The following PALLD variants were observed in gnomAD, a reference collection of about 807,000 sequenced individuals.
PALLD encodes palladin.
PALLD carries 61 observed loss-of-function variants against 123.5 expected under a neutral mutation model. The ratio of observed to expected loss-of-function variants is 0.49; its 90% CI spans 0.40 to 0.61. PALLD has a LOEUF of 0.61. Ranked by LOEUF, PALLD falls within the 20% of genes least tolerant of loss-of-function variation. The pLI is 0.00. For synonymous variants in PALLD, 465 were observed against 496.4 expected, an observed-to-expected ratio of 0.94 and a Z score of 0.84; for missense variants, 1,273 against 1,377.0, an observed-to-expected ratio of 0.92 and a Z score of 1.20.
chr4:168,725,994 C>G (rs1332054627), intron 10 of PALLD, among the ~76,000 whole-genome samples: 1 of 152,180 alleles, frequency 6.6e-6, no homozygotes, highest in Admixed American at 6.5e-5. Flanking sequence ...AGGGCATCCT[C>G]TAACTCAAAT....
rs545888815 is a variant in PALLD at position 168,759,004 on chromosome 4, G to A, written c.1964+47081G>A. On this transcript the variant is annotated intron_variant, in intron 10 of 21. Transcript: ENST00000505667. ...AGCCTGGCCAACATGGTGAAACCCC[G>A]TCTCTACTAAAAATACAAAAAAAAA... is the stretch of plus-strand genomic sequence containing the variant. Among the ~76,000 whole-genome samples, 44 of 150,586 alleles carry A rather than the reference G, an allele frequency of 2.9e-4. 1 individual carries two copies. The South Asian group carries it at 7.2e-3, about 25-fold the overall frequency.
chr4:168,818,782 C>A (rs943202202), intron 10 of PALLD, among the ~76,000 whole-genome samples: 1 of 152,070 alleles, frequency 6.6e-6, no homozygotes, highest in African/African-American at 2.4e-5. Context: ...CTCAACAATG[C>A]AATATTATGC....
intron 10 of PALLD, among the ~76,000 whole-genome samples, chr4:168,794,550 G>A (rs2150634229): frequency 6.9e-6 from 1 of 144,676 alleles, no homozygotes; most frequent in East Asian, 2.0e-4. Context: ...CCCTCTGGCT[G>A]CCTCAACCCC....
rs553326554 is a variant in PALLD at position 168,518,431 on chromosome 4, T to G, written c.908+6019T>G. Among the ~76,000 whole-genome samples the G allele has an allele frequency of 1.5e-3, 221 of 152,280 alleles. 1 individual carries two copies. Among genetic ancestry groups the G allele is most frequent in the African/African-American group, 4.8e-3 (200 of 41,562 alleles). ...TCTCACTTAGTCCGAGTAAAATCCA[T>G]AGTTCTTATACATCCTAATCAGGCT... On this transcript the variant is annotated intron_variant, in intron 2 of 21. Transcript: ENST00000505667.
chr4:168,822,571 A>G (rs1192181643), intron 10 of PALLD, among the ~76,000 whole-genome samples: 1 of 152,212 alleles, frequency 6.6e-6, no homozygotes, highest in Non-Finnish European at 1.5e-5. Flanking sequence ...CCAACTTCCA[A>G]GTGCTTCAGG....
At chr4:168,907,461 A>T (rs1188738945) in intron 15 of PALLD, among the ~76,000 whole-genome samples, 1 of 152,204 alleles carries the variant, frequency 6.6e-6, no homozygotes, top group Admixed American at 6.5e-5. Flanking sequence ...CTTAGGCAGC[A>T]GATGTGGCTG....
intron 10 of PALLD, among the ~76,000 whole-genome samples, chr4:168,811,774 TCTCACACACACACA>T (rs1242288739): frequency 1.8e-5 from 2 of 109,384 alleles, no homozygotes; most frequent in Non-Finnish European, 4.2e-5. Context: ...TCTCTCTCTC[TCTCACACACACACA>T]CACACACACA....
chr4:168,900,052 A>C (rs961821492), intron 14 of PALLD, among the ~76,000 whole-genome samples: 16 of 152,200 alleles, frequency 1.1e-4, no homozygotes, highest in African/African-American at 3.4e-4. Flanking sequence ...AAGGCGAAAA[A>C]GGTGAATCAC....
At chr4:168,918,753 A>G (rs1464507707) in intron 17 of PALLD, among the ~76,000 whole-genome samples, 7 of 152,216 alleles carry the variant, frequency 4.6e-5, no homozygotes, top group Non-Finnish European at 8.8e-5. Context: ...CAACACATAC[A>G]TATTTCAAAA....
intron 2 of PALLD, among the ~76,000 whole-genome samples, chr4:168,557,564 C>T (rs778317979): frequency 2.6e-5 from 4 of 152,140 alleles, no homozygotes; most frequent in Non-Finnish European, 4.4e-5. Context: ...AAGAAGTAAA[C>T]AAATCATAAT....
At chr4:168,925,706 A>G (rs1291862223) in intron 21 of PALLD, among the ~76,000 whole-genome samples, 1 of 152,200 alleles carries the variant, frequency 6.6e-6, no homozygotes, top group Non-Finnish European at 1.5e-5. Context: ...GAAAAAAATT[A>G]AGAATTTATT....
At chr4:168,809,817 T>C (rs952221593) in intron 10 of PALLD, among the ~76,000 whole-genome samples, 1 of 151,142 alleles carries the variant, frequency 6.6e-6, no homozygotes, top group East Asian at 1.9e-4. Flanking sequence ...TGAGCTGAGA[T>C]TGTGCCACTG....
intron 10 of PALLD, among the ~76,000 whole-genome samples, chr4:168,730,445 CT>C (rs1241308316): frequency 1.3e-5 from 2 of 152,112 alleles, no homozygotes; most frequent in Admixed American, 6.5e-5. Flanking sequence ...TGTTTTTCCC[CT>C]GTTCCCTGCA....
intron 18 of PALLD, among the ~76,000 whole-genome samples, chr4:168,922,838 G>A (rs900268467): frequency 5.3e-5 from 8 of 152,112 alleles, no homozygotes; most frequent in Non-Finnish European, 8.8e-5. Flanking sequence ...ACCTCAGTGC[G>A]CATCAGCTGG....
chr4:168,666,791 G>T (rs1291606598), intron 2 of PALLD, among the ~76,000 whole-genome samples: 1 of 152,084 alleles, frequency 6.6e-6, no homozygotes, highest in Non-Finnish European at 1.5e-5. Flanking sequence ...AAACACTAAA[G>T]CCACAGTTAA....
At chr4:168,744,143 A>G (rs1210036787) in intron 10 of PALLD, among the ~76,000 whole-genome samples, 2 of 152,162 alleles carry the variant, frequency 1.3e-5, no homozygotes, top group African/African-American at 2.4e-5. Context: ...CACTTCAGTC[A>G]TAGGATATTT....
chr4:168,637,519 T>C (rs1580701370), intron 2 of PALLD, among the ~76,000 whole-genome samples: 1 of 149,870 alleles, frequency 6.7e-6, no homozygotes, highest in Non-Finnish European at 1.5e-5. Context: ...AAAAAAGTAG[T>C]GACTGAGATC....
At chr4:168,756,569 G>A (rs2150410708) in intron 10 of PALLD, among the ~76,000 whole-genome samples, 1 of 152,302 alleles carries the variant, frequency 6.6e-6, no homozygotes, top group African/African-American at 2.4e-5. Context: ...GAGAAGGATT[G>A]AGGCTAACTA....
At chr4:168,566,503 G>C (rs1768402526) in intron 2 of PALLD, among the ~76,000 whole-genome samples, 1 of 152,044 alleles carries the variant, frequency 6.6e-6, no homozygotes, top group South Asian at 2.1e-4. Context: ...TCCCTATGCT[G>C]CCCAGGCTGG....
Sources: allele counts gnomAD v4.1 joint callset (sites outside exome capture counted in the v4.1 genomes callset), GRCh38; gene constraint gnomAD v4.1.1; transcripts MANE v1.5; gene names NCBI Gene and HGNC (gene_info 2026-07-23, HGNC 2026-07-21).